Variants in RPH3A observed in about 807,000 individuals in gnomAD.
The protein encoded by RPH3A is rabphilin-3A.
Under a neutral mutation model 102.2 loss-of-function variants are expected in RPH3A, and 48 were observed. The ratio of observed to expected loss-of-function variants is 0.47; its 90% CI spans 0.37 to 0.60. The LOEUF (loss-of-function observed/expected upper bound fraction) is 0.60, where lower values mean the gene tolerates loss of function less well. Ranked by LOEUF, RPH3A falls within the 20% of genes least tolerant of loss-of-function variation. The probability of loss-of-function intolerance (pLI) is 0.00; values close to 1 mark genes in which losing one functional copy is unlikely to be tolerated. For missense variants in RPH3A, 781 were observed against 910.1 expected, an observed-to-expected ratio of 0.86 and a Z score of 1.83; for synonymous variants, 310 against 324.3, an observed-to-expected ratio of 0.96 and a Z score of 0.47.
chr12:112,872,826 A>G (rs1179126692), intron 10 of RPH3A, among the ~76,000 whole-genome samples: 1 of 152,182 alleles, frequency 6.6e-6, no homozygotes, highest in Non-Finnish European at 1.5e-5. Flanking sequence ...GTCCCTCAGG[A>G]GTCAATGTAA....
At chr12:112,637,071 C>T (rs1268545852) in intron 1 of RPH3A, among the ~76,000 whole-genome samples, 4 of 152,144 alleles carry the variant, frequency 2.6e-5, no homozygotes, top group East Asian at 1.9e-4. Context: ...CCTCAACTCA[C>T]TCCTTCATTA....
chr12:112,725,786 TGTTGTTG>T (rs1858658528), intron 1 of RPH3A, among the ~76,000 whole-genome samples: 1 of 151,622 alleles, frequency 6.6e-6, no homozygotes, highest in Non-Finnish European at 1.5e-5. Context: ...TTGTTGTTGT[TGTTGTTG>T]TTGTTGTTGT....
At chr12:112,671,114 G>A (rs2040126328) in intron 1 of RPH3A, among the ~76,000 whole-genome samples, 1 of 152,180 alleles carries the variant, frequency 6.6e-6, no homozygotes, top group African/African-American at 2.4e-5. Flanking sequence ...GATTTAAAAG[G>A]TAGTGGGTGA....
At chr12:112,579,058 G>A (rs956093026) in intron 1 of RPH3A, among the ~76,000 whole-genome samples, 17 of 152,136 alleles carry the variant, frequency 1.1e-4, no homozygotes, top group Admixed American at 7.2e-4. Context: ...GGAAACTACA[G>A]CACATACTTT....
At chr12:112,676,215 A>C (rs2040173221) in intron 1 of RPH3A, among the ~76,000 whole-genome samples, 1 of 151,404 alleles carries the variant, frequency 6.6e-6, no homozygotes, top group African/African-American at 2.4e-5. Context: ...GAGAGGAGGG[A>C]GGCAGGATGT....
At chr12:112,865,674 G>GT (rs895582390) in intron 6 of RPH3A, 131 bp downstream of exon 6, 21 of 1,004,184 alleles carry the variant, frequency 2.1e-5, no homozygotes, top group Admixed American at 1.2e-4. Context: ...CCAGGATATG[G>GT]TTTTTTTCTG....
At chr12:112,595,735 G>T (rs1184566948) in intron 1 of RPH3A, among the ~76,000 whole-genome samples, 8 of 152,134 alleles carry the variant, frequency 5.3e-5, no homozygotes, top group African/African-American at 1.2e-4. Flanking sequence ...GTGAGTTAAT[G>T]ATTATTTCCA....
At chr12:112,798,207 G>C (rs2041271937) in intron 2 of RPH3A, among the ~76,000 whole-genome samples, 2 of 152,204 alleles carry the variant, frequency 1.3e-5, no homozygotes, top group South Asian at 4.1e-4. Context: ...CAGTGAGCAA[G>C]ATAACATGCC....
At chr12:112,699,079 C>G (rs1375616140) in intron 1 of RPH3A, among the ~76,000 whole-genome samples, 1 of 152,042 alleles carries the variant, frequency 6.6e-6, no homozygotes, top group Admixed American at 6.6e-5. Flanking sequence ...TGTCACCACA[C>G]CTGGCTAATT....
At chr12:112,758,285 G>T (rs898438499) in intron 1 of RPH3A, among the ~76,000 whole-genome samples, 1 of 152,168 alleles carries the variant, frequency 6.6e-6, no homozygotes, top group African/African-American at 2.4e-5. Context: ...ACTTCCTTTT[G>T]TCTCTTTTTT....
chr12:112,678,652 A>C (rs1346898872), intron 1 of RPH3A, among the ~76,000 whole-genome samples: 1 of 152,176 alleles, frequency 6.6e-6, no homozygotes, highest in Non-Finnish European at 1.5e-5. Context: ...CCTGTTTTGC[A>C]GAACAGGCTG....
In RPH3A at chr12:112,866,617, GC is replaced by G. The variant is rs1593102668; in HGVS notation, c.361-138del. 6 of 640,926 alleles carry G rather than the reference GC, an allele frequency of 9.4e-6. No individual in the cohort carries two copies. The East Asian group carries it at 1.4e-4, about 15-fold the overall frequency. The allele number at this position is 640,926 out of a possible 1,614,324, so 39.7% of individuals were successfully genotyped here. A position where few individuals can be genotyped will look rare whatever the true frequency, so the allele number is the denominator to read the frequency against. On this transcript the variant is annotated intron_variant, in intron 6 of 21. Transcript: ENST00000389385. ...TCAAATTGGAGTTTTATTCTAACTG[GC>G]CTTGCTCATAGAAGGAAGTGGGAGA...
At chr12:112,620,923 G>A (rs528920326) in intron 1 of RPH3A, among the ~76,000 whole-genome samples, 5 of 152,162 alleles carry the variant, frequency 3.3e-5, no homozygotes, top group South Asian at 2.1e-4. Context: ...GCCATCACCC[G>A]GGGCCAACTC....
intron 1 of RPH3A, among the ~76,000 whole-genome samples, chr12:112,595,981 A>G (rs909869345): frequency 5.3e-5 from 8 of 152,202 alleles, no homozygotes; most frequent in Admixed American, 4.6e-4. Context: ...TGTGAAGGGA[A>G]CAGCTCCATA....
intron 5 of RPH3A, among the ~76,000 whole-genome samples, chr12:112,852,677 ACGTGGCTGCTGAGCACTTCT>A (rs2042342242): frequency 6.6e-6 from 1 of 152,098 alleles, no homozygotes; most frequent in South Asian, 2.1e-4. Flanking sequence ...GGCTAGACAC[ACGTGGCTGCTGAGCACTTCT>A]CCTGAGCATA....
chr12:112,822,145 C>A (rs2041792310), intron 2 of RPH3A, among the ~76,000 whole-genome samples: 1 of 152,202 alleles, frequency 6.6e-6, no homozygotes. Context: ...TGATATACTG[C>A]ACTCAGGGGA....
chr12:112,742,377 C>T (rs1361348968), intron 1 of RPH3A, among the ~76,000 whole-genome samples: 1 of 151,902 alleles, frequency 6.6e-6, no homozygotes, highest in Non-Finnish European at 1.5e-5. Flanking sequence ...CAGCAGGAGC[C>T]ACGGCACCGA....
intron 1 of RPH3A, among the ~76,000 whole-genome samples, chr12:112,702,659 A>G (rs1197019883): frequency 6.6e-6 from 1 of 152,210 alleles, no homozygotes; most frequent in Non-Finnish European, 1.5e-5. Context: ...TGAAGAGAAG[A>G]GGGAAGAGCT....
intron 5 of RPH3A, among the ~76,000 whole-genome samples, chr12:112,862,425 C>T (rs977382122): frequency 6.6e-6 from 1 of 152,160 alleles, no homozygotes; most frequent in Non-Finnish European, 1.5e-5. Context: ...AGTAACACTA[C>T]ATAAATAAAA....
Sources: gnomAD v4.1 joint callset for allele counts (sites outside exome capture counted in the v4.1 genomes callset) on GRCh38, gnomAD v4.1.1 for gene constraint, MANE v1.5 for transcripts, NCBI Gene and HGNC (gene_info 2026-07-23, HGNC 2026-07-21) for gene names.